Variants in ZNF623 observed in about 807,000 individuals in gnomAD.
ZNF623 encodes the protein zinc finger protein 623.
A neutral mutation model predicts 24.0 loss-of-function variants in ZNF623; 16 were observed. The observed-to-expected ratio is 0.67, with a 90% CI of 0.45 to 1.01. ZNF623 has a LOEUF of 1.01. Ranked by LOEUF, ZNF623 falls within the 50% of genes least tolerant of loss-of-function variation. The pLI, the probability that ZNF623 is intolerant of heterozygous loss-of-function variation, is 0.00. For missense variants in ZNF623, 566 were observed against 606.5 expected, an observed-to-expected ratio of 0.93 and a Z score of 0.70; for synonymous variants, 224 against 219.8, an observed-to-expected ratio of 1.02 and a Z score of -0.17.
rs1357521193 is a variant in ZNF623, at chr8:143,653,421, C to A, written c.*1938C>A. 1 of 167,082 alleles carries A rather than the reference C, an allele frequency of 6.0e-6. No homozygotes were observed. The highest frequency in any genetic ancestry group is 2.4e-5 in the African/African-American group (1 of 41,450). The allele number at this position is 167,082 out of a possible 1,614,324, so 10.3% of individuals were successfully genotyped here. ...GATTTTACCAGACCATTTTAATCAA[C>A]TTTATTGAGATTCAATTTTCATATA... On this transcript the variant is annotated 3_prime_UTR_variant, in exon 2 of 2. Transcript: ENST00000526926.
intron 1 of ZNF623, among the ~76,000 whole-genome samples, chr8:143,648,892 A>G (rs1001473551): frequency 6.6e-6 from 1 of 151,950 alleles, no homozygotes; most frequent in African/African-American, 2.4e-5. Context: ...GTAAGAAGAT[A>G]GGAGAAGTGG....
At chr8:143,645,659 A>G (rs1350880354) in intron 1 of ZNF623, among the ~76,000 whole-genome samples, 5 of 152,078 alleles carry the variant, frequency 3.3e-5, no homozygotes, top group Admixed American at 6.6e-5. Context: ...GAGTGTGCAC[A>G]TTCTCCCCAC....
rs1416201220 is a variant in ZNF623, at chr8:143,641,623, G to C, written c.-96+5478G>C. On this transcript the variant is annotated intron_variant, in intron 1 of 1. Coordinates refer to ENST00000526926, the MANE Select transcript of ZNF623 (RefSeq NM_001261843.2). ...TGGGACTACAGGCGCCCGCCACTAC[G>C]CCCGGCTATTTTTTTGTATTTTTAG... Among the ~76,000 whole-genome samples the C allele has an allele frequency of 3.7e-4, 7 of 19,030 alleles. 2 individuals are homozygous for C. The highest frequency in any genetic ancestry group is 4.0e-4 in the African/African-American group (7 of 17,524). The allele number at this position is 19,030 out of a possible 152,430, so 12.5% of individuals were successfully genotyped here.
chr8:143,641,999 G>C (rs1320278525), intron 1 of ZNF623, among the ~76,000 whole-genome samples: 1 of 152,222 alleles, frequency 6.6e-6, no homozygotes, highest in African/African-American at 2.4e-5. Context: ...ACGAGAGTCA[G>C]CCTGTCCTTT....
At chr8:143,647,408 C>T (rs1273400332) in intron 1 of ZNF623, among the ~76,000 whole-genome samples, 22 of 152,262 alleles carry the variant, frequency 1.4e-4, no homozygotes, top group Non-Finnish European at 2.4e-4. Context: ...GTGGTCCGCC[C>T]GCCTCTGCCT....
In ZNF623 at chr8:143,651,681, C is replaced by A; in HGVS notation, c.*198C>A. ...CTGTGAGCACTGTCCTCAGGAGAGTCACAGGGCTTGACACCTGACTCTGAG... is the reference window on the plus strand; with the variant it reads ...CTGTGAGCACTGTCCTCAGGAGAGTAACAGGGCTTGACACCTGACTCTGAG... On this transcript the variant is annotated 3_prime_UTR_variant, in exon 2 of 2. Transcript: ENST00000526926. 1.8e-6 allele frequency: 1 copy of A among 564,204 alleles called. No individual in the cohort carries two copies. The highest frequency in any genetic ancestry group is 3.1e-6 in the Non-Finnish European group (1 of 323,638). The allele number at this position is 564,204 out of a possible 1,614,324, so 34.9% of individuals were successfully genotyped here. A position where few individuals can be genotyped will look rare whatever the true frequency, so the allele number is the denominator to read the frequency against.
chr8:143,647,536 T>A (rs73369346), intron 1 of ZNF623, among the ~76,000 whole-genome samples: 2,487 of 152,254 alleles, frequency 0.016, 71 homozygotes, highest in African/African-American at 0.057. Context: ...GAAGGACATC[T>A]AGGAGTGAAC....
chr8:143,638,653 G>C (rs1814979869), intron 1 of ZNF623, among the ~76,000 whole-genome samples: 1 of 151,452 alleles, frequency 6.6e-6, no homozygotes, highest in African/African-American at 2.4e-5. Flanking sequence ...CAGGAGAATC[G>C]CTTGAACCCA....
Position 143,649,883 on chromosome 8 carries a change from T to C in ZNF623, c.-95-15T>C, listed in dbSNP as rs752311273. 2.5e-6 allele frequency: 4 copies of C among 1,599,738 alleles called. No individual in the cohort carries two copies. The Admixed American group carries it at 6.8e-5, about 27-fold the overall frequency. On this transcript the variant is annotated splice_polypyrimidine_tract_variant and intron_variant, in intron 1 of 1. Transcript: ENST00000526926. ...TAAGTAAGGGGAAAGATGATTTTGT[T>C]GTCTTTTGTTTCAGATTCTAATGTA...
rs369081911 is a variant in ZNF623, at chr8:143,650,862, G to C, written c.870G>C (p.Arg290=). ...ATGAGTGTGGGAAAGCCTTTATTCG[G>C]AGTTCAAAGCTCATTCAGCATCAGA... ...ECNECGKAFI[R]SSKLIQHQRI... Residue 290 remains arginine (R), a synonymous_variant, in exon 2 of 2, where the codon CGG becomes CGC. Transcript: ENST00000526926. This position sits in a 1 kb window ranked among gnomAD's most constrained non-coding sequence, Gnocchi z 5.2. The C allele has an allele frequency of 1.2e-6, 2 of 1,614,044 alleles. No individual in the cohort carries two copies. The highest frequency in any genetic ancestry group is 1.7e-6 in the Non-Finnish European group (2 of 1,180,036).
At chr8:143,636,986 G>T (rs547231110) in intron 1 of ZNF623, among the ~76,000 whole-genome samples, 1 of 152,174 alleles carries the variant, frequency 6.6e-6, no homozygotes, top group Non-Finnish European at 1.5e-5. Context: ...GCTTGTCTTC[G>T]CTGCCTCAGG....
In ZNF623 at chr8:143,651,083, A is replaced by C. The variant is rs1256991155; in HGVS notation, c.1091A>C (p.Glu364Ala). The C allele has an allele frequency of 6.2e-7, 1 of 1,614,152 alleles. No individual in the cohort carries two copies. Among genetic ancestry groups the C allele is most frequent in the Admixed American group, 1.7e-5 (1 of 60,022 alleles). The change falls in exon 2 of 2, where the codon GAA becomes GCA. Residue 364 changes from glutamate to alanine, a missense_variant. Glu to Ala is a moderately radical substitution (Grantham distance 107, BLOSUM62 -1). Transcript: ENST00000526926. ...ATCCACACTGGAGAGAGAGTGTATG[A>C]ATGTAAGGAATGTGGGAAAGCGTTT... The part of the protein sequence containing the change: ...QKIHTGERVY[E>A]CKECGKAFLQ...
At position 143,650,900 on chromosome 8, in the gene ZNF623, G is replaced by A; in HGVS notation, c.908G>A (p.Gly303Glu). 4 of 1,614,150 alleles carry A rather than the reference G, an allele frequency of 2.5e-6. No individual in the cohort carries two copies. The highest frequency in any genetic ancestry group is 3.4e-6 in the Non-Finnish European group (4 of 1,180,036). The change falls in exon 2 of 2, where the codon GGG (glycine) becomes GAG (glutamate). Residue 303 changes from glycine to glutamate, a missense_variant. Physicochemically the swap from Gly to Glu is moderately conservative, Grantham distance 98. Around this residue, in one of 3 missense-constraint regions of ZNF623, gnomAD observed 117 missense variants for 174.2 expected, o/e 0.67. Transcript: ENST00000526926. The surrounding 1 kb of genome is among the most constrained non-coding windows in gnomAD (Gnocchi z 5.2). Reference sequence around the variant, plus strand: ...ATTCAGCATCAGAGGATCCATACTGGGGAGAGGCCTTACGTATGCAATGAG... The same window carrying A: ...ATTCAGCATCAGAGGATCCATACTGAGGAGAGGCCTTACGTATGCAATGAG... Reference protein sequence around the residue: ...KLIQHQRIHTGERPYVCNECG... With the variant: ...KLIQHQRIHTEERPYVCNECG...
intron 1 of ZNF623, among the ~76,000 whole-genome samples, chr8:143,643,095 G>C (rs962105174): frequency 6.6e-6 from 1 of 152,314 alleles, no homozygotes; most frequent in Non-Finnish European, 1.5e-5. Context: ...GATTAGATGC[G>C]TGAGAAAAAT....
At chr8:143,645,204 G>A (rs1815146113) in intron 1 of ZNF623, among the ~76,000 whole-genome samples, 1 of 151,946 alleles carries the variant, frequency 6.6e-6, no homozygotes, top group Non-Finnish European at 1.5e-5. Flanking sequence ...AGCACTTTGG[G>A]AGGCCAAGGC....
At chr8:143,636,613 G>T (rs1041438558) in intron 1 of ZNF623, among the ~76,000 whole-genome samples, 2 of 152,176 alleles carry the variant, frequency 1.3e-5, no homozygotes, top group Non-Finnish European at 2.9e-5. Flanking sequence ...GCTCCCTGGG[G>T]CCTCGAGGCC....
rs756220425 is a variant in ZNF623, at chr8:143,651,079, T to C, written c.1087T>C (p.Tyr363His). 6.2e-7 allele frequency: 1 copy of C among 1,614,156 alleles called. No homozygotes were observed. Among genetic ancestry groups the C allele is most frequent in the Admixed American group, 1.7e-5 (1 of 60,022 alleles). The stretch of plus-strand genomic sequence containing the variant: ...GAAAATCCACACTGGAGAGAGAGTG[T>C]ATGAATGTAAGGAATGTGGGAAAGC... ...HQKIHTGERV[Y>H]ECKECGKAFL... is the part of the protein sequence containing the mutation. Residue 363 changes from tyrosine to histidine, a missense_variant, in exon 2 of 2, where the codon TAT becomes CAT. Physicochemically the swap from Tyr to His is moderately conservative, Grantham distance 83. Around this residue, in one of 3 missense-constraint regions of ZNF623, gnomAD observed 117 missense variants for 174.2 expected, o/e 0.67. Coordinates refer to ENST00000526926, the MANE Select transcript of ZNF623 (RefSeq NM_001261843.2).
intron 1 of ZNF623, among the ~76,000 whole-genome samples, chr8:143,636,607 C>T (rs1312522859): frequency 6.6e-6 from 1 of 152,146 alleles, no homozygotes. Flanking sequence ...GCCTCCGCTC[C>T]CTGGGGCCTC....
intron 1 of ZNF623, 107 bp downstream of exon 1, chr8:143,636,252 C>A (rs1337557608): frequency 2.0e-5 from 3 of 152,102 alleles, no homozygotes; most frequent in African/African-American, 7.2e-5. Flanking sequence ...GAGGGCCGGG[C>A]GGGGTCCGCA....
Sources: gnomAD v4.1 joint callset for allele counts (sites outside exome capture counted in the v4.1 genomes callset) on GRCh38, gnomAD v4.1.1 for gene constraint, gnomAD v4.1.1 regional missense constraint, Gnocchi (gnomAD v3.1) non-coding constraint, MANE v1.5 for transcripts, NCBI Gene and HGNC (gene_info 2026-07-23, HGNC 2026-07-21) for gene names.